TENM3: variants seen among roughly 807,000 people sequenced by gnomAD.
TENM3 encodes teneurin-3.
TENM3 carries 63 observed loss-of-function variants against 255.1 expected under a neutral mutation model. The ratio of observed to expected loss-of-function variants is 0.25; its 90% CI spans 0.20 to 0.30. The LOEUF (loss-of-function observed/expected upper bound fraction) is 0.30. Ranked by LOEUF, TENM3 falls within the 10% of genes least tolerant of loss-of-function variation. The probability of loss-of-function intolerance (pLI) is 1.00; values close to 1 mark genes in which losing one functional copy is unlikely to be tolerated. For missense variants in TENM3, 2,929 were observed against 3,461.1 expected (o/e 0.85, Z 3.86); for synonymous variants, 1,306 against 1,322.3 (o/e 0.99, Z 0.27).
chr4:182,377,660 A>G (rs1004347282), intron 3 of TENM3, among the ~76,000 whole-genome samples: 11 of 152,168 alleles, frequency 7.2e-5, no homozygotes, highest in African/African-American at 2.7e-4. Flanking sequence ...TGTTTCTGAT[A>G]CACTATATAT....
intron 16 of TENM3, among the ~76,000 whole-genome samples, chr4:182,731,625 A>C (rs968081969): frequency 6.6e-6 from 1 of 151,576 alleles, no homozygotes; most frequent in Non-Finnish European, 1.5e-5. Flanking sequence ...ACCAAAAAAA[A>C]CCACGGATTA....
At chr4:181,754,871 A>G in the TENM3 span, among the ~76,000 whole-genome samples, 1 of 152,182 alleles carries the variant, frequency 6.6e-6, no homozygotes, top group Non-Finnish European at 1.5e-5. Context: ...CAACCCCCAG[A>G]ATACGAAAAT....
the TENM3 span, among the ~76,000 whole-genome samples, chr4:181,856,090 GGAAAGGGAAAGAAGGAAGGA>G: frequency 7.8e-6 from 1 of 128,150 alleles, no homozygotes; most frequent in Non-Finnish European, 1.6e-5. Flanking sequence ...AAGGAAGGAA[GGAAAGGGAAAGAAGGAAGGA>G]AAGGAAGAAG....
At chr4:182,131,925 C>A in the TENM3 span, among the ~76,000 whole-genome samples, 1 of 145,740 alleles carries the variant, frequency 6.9e-6, no homozygotes, top group African/African-American at 2.4e-5. Context: ...AGAGGATTAC[C>A]AACTTCTACA....
chr4:182,563,312 C>T (rs1321723807), intron 3 of TENM3, among the ~76,000 whole-genome samples: 1 of 152,082 alleles, frequency 6.6e-6, no homozygotes, highest in Non-Finnish European at 1.5e-5. Context: ...TGCCTGTAAT[C>T]CCAGCTACTT....
At chr4:181,632,865 G>A in the TENM3 span, among the ~76,000 whole-genome samples, 12 of 152,132 alleles carry the variant, frequency 7.9e-5, no homozygotes, top group African/African-American at 2.4e-4. Flanking sequence ...CAAACCAAAC[G>A]AAACAACTTC....
chr4:182,694,011 A>G (rs1472808956), intron 12 of TENM3, among the ~76,000 whole-genome samples: 1 of 152,230 alleles, frequency 6.6e-6, no homozygotes, highest in African/African-American at 2.4e-5. Flanking sequence ...TTTTATTATT[A>G]TAAAATATAA....
intron 3 of TENM3, among the ~76,000 whole-genome samples, chr4:182,374,751 C>G (rs1190396934): frequency 6.6e-6 from 1 of 152,136 alleles, no homozygotes; most frequent in Non-Finnish European, 1.5e-5. Context: ...TTTCTTACAT[C>G]TAGAAAATTT....
chr4:182,575,082 A>C (rs1744788512), intron 3 of TENM3, among the ~76,000 whole-genome samples: 1 of 152,210 alleles, frequency 6.6e-6, no homozygotes, highest in Non-Finnish European at 1.5e-5. Flanking sequence ...GGTTGGCATA[A>C]ACATGTGGTA....
At chr4:182,032,571 G>A in the TENM3 span, among the ~76,000 whole-genome samples, 1 of 152,244 alleles carries the variant, frequency 6.6e-6, no homozygotes, top group East Asian at 1.9e-4. Context: ...CTTATAAAAT[G>A]CATTTAGGAA....
chr4:182,727,080 TCTC>T (rs1760255975), intron 13 of TENM3, among the ~76,000 whole-genome samples: 2 of 152,178 alleles, frequency 1.3e-5, no homozygotes, highest in Non-Finnish European at 2.9e-5. Context: ...TTTTGTCAGT[TCTC>T]CTAAGAGTGA....
chr4:182,588,933 A>G (rs1233652274), intron 3 of TENM3, among the ~76,000 whole-genome samples: 2 of 152,232 alleles, frequency 1.3e-5, no homozygotes, highest in East Asian at 1.9e-4. Flanking sequence ...TGAAGCCAGA[A>G]CAATATCTTT....
intron 1 of TENM3, among the ~76,000 whole-genome samples, chr4:182,251,548 A>G (rs1467547850): frequency 1.3e-5 from 2 of 152,168 alleles, no homozygotes; most frequent in African/African-American, 2.4e-5. Context: ...AATTACGGCT[A>G]TGCTTTTTCA....
chr4:182,067,729 A>G, the TENM3 span, among the ~76,000 whole-genome samples: 2 of 152,024 alleles, frequency 1.3e-5, no homozygotes, highest in African/African-American at 2.4e-5. Context: ...ATGTGGAGGG[A>G]CTCCCTTGCT....
intron 2 of TENM3, among the ~76,000 whole-genome samples, chr4:182,327,343 T>C (rs1400269): frequency 0.41 from 62,729 of 152,032 alleles, 14,354 homozygotes; most frequent in Non-Finnish European, 0.52. Context: ...TTAAAACAGC[T>C]GATCAGTCCT....
the TENM3 span, among the ~76,000 whole-genome samples, chr4:181,665,291 T>G: frequency 6.6e-6 from 1 of 152,164 alleles, no homozygotes; most frequent in East Asian, 1.9e-4. Context: ...AAAATATTAC[T>G]GAAGTAGTAT....
At chr4:182,199,616 A>G (rs185992807) in intron 1 of TENM3, among the ~76,000 whole-genome samples, 1 of 151,878 alleles carries the variant, frequency 6.6e-6, no homozygotes, top group Admixed American at 6.6e-5. Context: ...ATAGCTCAGC[A>G]TTCAGGTTTT....
the TENM3 span, among the ~76,000 whole-genome samples, chr4:181,525,396 C>CAAAAA: frequency 2.0e-4 from 19 of 97,288 alleles, no homozygotes; most frequent in African/African-American, 4.6e-4. Context: ...GACCCTGTTT[C>CAAAAA]AAAAAAAAAA....
At chr4:181,748,119 C>G in the TENM3 span, among the ~76,000 whole-genome samples, 2 of 152,006 alleles carry the variant, frequency 1.3e-5, no homozygotes, top group African/African-American at 2.4e-5. Flanking sequence ...TTTTTAAATA[C>G]TTATTTTTTA....
Sources: gnomAD v4.1 joint callset for allele counts (sites outside exome capture counted in the v4.1 genomes callset) on GRCh38, gnomAD v4.1.1 for gene constraint, MANE v1.5 for transcripts, NCBI Gene and HGNC (gene_info 2026-07-23, HGNC 2026-07-21) for gene names.